Variants in TTN observed in about 807,000 individuals in gnomAD.
TTN encodes the protein titin, also known as connectin.
TTN carries 1,525 observed loss-of-function variants against 3,223.0 expected under a neutral mutation model. The observed-to-expected ratio is 0.47, with a 90% CI of 0.45 to 0.49. The LOEUF is 0.49. TTN is among the 20% of genes least tolerant of loss of function. The probability of loss-of-function intolerance (pLI) is 0.00; values close to 1 mark genes in which losing one functional copy is unlikely to be tolerated. For synonymous variants in TTN, 14,094 were observed against 15,161.0 expected (o/e 0.93, Z 5.17); for missense variants, 40,786 against 43,424.0 (o/e 0.94, Z 5.40).
Position 178,640,051 on chromosome 2 carries a change from C to T in TTN, c.40783G>A (p.Ala13595Thr), listed in dbSNP as rs563994580. 4 of 1,612,090 alleles carry T rather than the reference C, an allele frequency of 2.5e-6. No individual in the cohort carries two copies. The East Asian group carries it at 6.7e-5, about 27-fold the overall frequency. ...PAPEPKPKPE[A>T]EVKTIKPPPV... ...CATTGAGGATAAGCTTGCTCACCTG[C>T]TTCGGGCTTTGGTTTCGGTTCAGGT... Residue 13595 changes from alanine (A) to threonine (T), a missense_variant, in exon 222 of 363, where the codon GCA becomes ACA. Coordinates refer to ENST00000589042, the MANE Select transcript of TTN (RefSeq NM_001267550.2).
At chr2:178,766,739 A>G in intron 40 of TTN, 127 bp from the exon 41 acceptor site, 2 of 742,414 alleles carry the variant, frequency 2.7e-6, no homozygotes, top group South Asian at 3.3e-5. Flanking sequence ...TTATAATGTA[A>G]TAAGTTGGCT....
rs185620750 is a variant in TTN at position 178,579,324 on chromosome 2, C to T, written c.67706G>A (p.Arg22569Gln). The T allele has an allele frequency of 7.4e-5, 119 of 1,607,914 alleles. 1 individual carries two copies. The Admixed American group carries it at 1.3e-3, about 17-fold the overall frequency. ...CYLAKENSNF[R>Q]LKIPIKGKPA... The stretch of plus-strand genomic sequence containing the variant: ...CTTGCCTTTTATGGGGATCTTAAGC[C>T]GGAAGTTGCTGTTTTCTTTAGCCAA... Residue 22569 changes from arginine to glutamine, a missense_variant, in exon 320 of 363, where the codon CGG becomes CAG. Transcript: ENST00000589042.
chr2:178,708,909 A>G (rs2076250263), intron 99 of TTN, among the ~76,000 whole-genome samples: 1 of 152,200 alleles, frequency 6.6e-6, no homozygotes, highest in African/African-American at 2.4e-5. Flanking sequence ...TAATTACTGG[A>G]AGCCATTACA....
Position 178,685,541 on chromosome 2 carries a change from C to G in TTN, c.32369G>C (p.Arg10790Thr). 2 of 1,613,498 alleles carry G rather than the reference C, an allele frequency of 1.2e-6. No homozygotes were observed. The change falls in exon 128 of 363, where the codon AGA becomes ACA. Residue 10790 changes from arginine (R) to threonine (T), a missense_variant. Arg to Thr is a moderately conservative substitution (Grantham distance 71). Coordinates refer to ENST00000589042, the MANE Select transcript of TTN (RefSeq NM_001267550.2). Reference sequence around the variant, plus strand: ...ACCTTCAGCTGGCTCAGCTTCCACTCTCTTAGAAATAATGTGCAGCTTTTC... The same window carrying G: ...ACCTTCAGCTGGCTCAGCTTCCACTGTCTTAGAAATAATGTGCAGCTTTTC... ...VEEKLHIISK[R>T]VEAEPAEVTE...
chr2:178,537,292 G>T (rs1300522406), intron 355 of TTN, 49 bp from the exon 356 acceptor site: 1 of 1,528,944 alleles, frequency 6.5e-7, no homozygotes, highest in South Asian at 1.3e-5. Flanking sequence ...GTGTTTTTGA[G>T]ATTTTTTTTT....
At chr2:178,789,221 A>T in intron 13 of TTN, 139 bp downstream of exon 13, 26 of 1,137,062 alleles carry the variant, frequency 2.3e-5, no homozygotes, top group Non-Finnish European at 3.2e-5. Context: ...TTGTCTAAAA[A>T]ATAAATTTGG....
Position 178,591,851 on chromosome 2 carries a change from C to G in TTN, c.59968G>C (p.Asp19990His). ...CAGACTAGGGAGACTTCAGTCTTGT[C>G]AACATCTACATGGTGCAGGTCCTTG... ...PPKDLHHVDV[D>H]KTEVSLVWNK... Residue 19990 changes from aspartate to histidine, a missense_variant, in exon 303 of 363, where the codon GAC becomes CAC. Transcript: ENST00000589042. The G allele has an allele frequency of 3.1e-6, 5 of 1,613,280 alleles. No individual in the cohort carries two copies. The highest frequency in any genetic ancestry group is 4.2e-6 in the Non-Finnish European group (5 of 1,179,566).
chr2:178,673,585 GA>G, intron 152 of TTN, 47 bp downstream of exon 152: 2 of 1,448,140 alleles, frequency 1.4e-6, no homozygotes, highest in Non-Finnish European at 1.8e-6. Flanking sequence ...TTTTAAGAAA[GA>G]AAATTAATGG....
chr2:178,592,090 A>G lies in TTN; in HGVS notation c.59814T>C (p.Ala19938=). The G allele has an allele frequency of 6.2e-7, 1 of 1,612,986 alleles. No homozygotes were observed. Residue 19938 remains alanine, a synonymous_variant, in exon 302 of 363, where the codon GCT becomes GCC. Coordinates refer to ENST00000589042, the MANE Select transcript of TTN (RefSeq NM_001267550.2). ...ACTGGTTGCCTTCATTCAGATGCTT[A>G]GCGAAGTGACTCTTTTTCTTTGATG... ...SATSKKKSHF[A]KHLNEGNQYL...
chr2:178,611,989 T>C (rs780029452), intron 267 of TTN, 35 bp from the exon 268 acceptor site: 10 of 1,604,244 alleles, frequency 6.2e-6, no homozygotes, highest in Non-Finnish European at 8.5e-6. Context: ...TTAGCATTAA[T>C]GAAAAAACAC....
At position 178,543,291 on chromosome 2, in the gene TTN, A is replaced by T. The variant is rs1277957429; in HGVS notation, c.96682T>A (p.Tyr32228Asn). 6.2e-7 allele frequency: 1 copy of T among 1,613,662 alleles called. No individual in the cohort carries two copies. The highest frequency in any genetic ancestry group is 1.3e-5 in the African/African-American group (1 of 74,888). ...CCAGTGAGTCGGCTACCACCATCGT[A>T]GAGTGGTTTTTCCCAGGCAAGGGTA... ...TVTLAWEKPL[Y>N]DGGSRLTGYV... The change falls in exon 347 of 363, where the codon TAC becomes AAC. Residue 32228 changes from tyrosine to asparagine, a missense_variant. Tyr to Asn is a moderately radical substitution (Grantham distance 143). Transcript: ENST00000589042.
chr2:178,591,544 C>T (rs756906788), intron 303 of TTN, 40 bp from the exon 304 acceptor site: 1 of 1,587,286 alleles, frequency 6.3e-7, no homozygotes, highest in Admixed American at 1.9e-5. Context: ...TTGATTTTCA[C>T]CTATATGAAT....
intron 163 of TTN, among the ~76,000 whole-genome samples, chr2:178,666,143 C>T (rs896456031): frequency 3.9e-5 from 6 of 152,088 alleles, no homozygotes; most frequent in Non-Finnish European, 7.3e-5. Flanking sequence ...TTTGTATTCA[C>T]ACCTCAGGCA....
At position 178,620,460 on chromosome 2, in the gene TTN, T is replaced by C. The variant is rs886038861; in HGVS notation, c.46061A>G (p.Tyr15354Cys). 20 of 1,612,404 alleles carry C rather than the reference T, an allele frequency of 1.2e-5. No homozygotes were observed. Among genetic ancestry groups the C allele is most frequent in the African/African-American group, 2.7e-5 (2 of 74,920 alleles). ...GTCTTTAATGGTTAACATGTGCTTGTACTTATCAACTCTGTATGAGACACG... is the reference window on the plus strand; with the variant it reads ...GTCTTTAATGGTTAACATGTGCTTGCACTTATCAACTCTGTATGAGACACG... ...DNRVSYRVDK[Y>C]KHMLTIKDCG... is the part of the protein sequence containing the mutation. Residue 15354 changes from tyrosine to cysteine, a missense_variant, in exon 248 of 363, where the codon TAC (tyrosine) becomes TGC (cysteine). Physicochemically the swap from Tyr to Cys is radical, Grantham distance 194 (BLOSUM62 -2). Transcript: ENST00000589042.
Position 178,527,214 on chromosome 2 carries a change from G to C in TTN, c.107774C>G (p.Thr35925Ser). The C allele has an allele frequency of 6.2e-7, 1 of 1,613,896 alleles. No homozygotes were observed. Residue 35925 changes from threonine (T) to serine (S), a missense_variant, in exon 363 of 363, where the codon ACC (threonine) becomes AGC (serine). Coordinates refer to ENST00000589042, the MANE Select transcript of TTN (RefSeq NM_001267550.2). ...ACCACAGGACCATGTTACTTCTGGG[G>C]TAGGCTCACCCGTGAAAGCACAGGC... is the stretch of plus-strand genomic sequence containing the variant. The part of the protein sequence containing the change: ...TVACAFTGEP[T>S]PEVTWSCGGR...
chr2:178,564,947 T>G lies in TTN; in HGVS notation c.81185A>C (p.Lys27062Thr). 1.9e-6 allele frequency: 3 copies of G among 1,612,428 alleles called. No homozygotes were observed. Among genetic ancestry groups the G allele is most frequent in the Non-Finnish European group, 1.7e-6 (2 of 1,179,176 alleles). The change falls in exon 326 of 363, where the codon AAG (lysine) becomes ACG (threonine). Residue 27062 changes from lysine (K) to threonine (T), a missense_variant. Lys to Thr is a moderately conservative substitution (Grantham distance 78). Transcript: ENST00000589042. Reference sequence around the variant, plus strand: ...AAATGGATATTGTACAATAACTGCCTTAGAATCCAGTGGGGCACTTTTTCC... The same window carrying G: ...AAATGGATATTGTACAATAACTGCCGTAGAATCCAGTGGGGCACTTTTTCC... ...RYGKSAPLDS[K>T]AVIVQYPFKE... is the part of the protein sequence containing the mutation.
chr2:178,527,972 C>T (rs1335493457), intron 361 of TTN: 6 of 542,908 alleles, frequency 1.1e-5, no homozygotes, highest in Non-Finnish European at 1.9e-5. Context: ...ACATTACATG[C>T]AGGTGCTAGG....
At position 178,658,489 on chromosome 2, in the gene TTN, G is replaced by GT; in HGVS notation, c.37605dup (p.Pro12536ThrfsTer10). ...ATACCTTTTGCACGTGGGGCTTCCG[G>GT]TTTTTTGGGCACAGCCACAGATGCT... On this transcript the variant is annotated frameshift_variant, in exon 184 of 363. Coordinates refer to ENST00000589042, the MANE Select transcript of TTN (RefSeq NM_001267550.2). LOFTEE classifies it high-confidence loss of function. 7.7e-7 allele frequency: 1 copy of GT among 1,291,648 alleles called. No homozygotes were observed. The allele number at this position is 1,291,648 out of a possible 1,614,324, so 80.0% of individuals were successfully genotyped here. A position where few individuals can be genotyped will look rare whatever the true frequency, so the allele number is the denominator to read the frequency against.
At chr2:178,744,689 C>A (rs2083137619) in intron 47 of TTN, 3 of 974,974 alleles carry the variant, frequency 3.1e-6, no homozygotes, top group Non-Finnish European at 2.4e-6. Flanking sequence ...AAATATCCCA[C>A]CTTTTTTTAA....
Sources: gnomAD v4.1 joint callset for allele counts (sites outside exome capture counted in the v4.1 genomes callset) on GRCh38, gnomAD v4.1.1 for gene constraint, MANE v1.5 for transcripts, NCBI Gene and HGNC (gene_info 2026-07-23, HGNC 2026-07-21) for gene names.